The following GALK2 variants were observed in gnomAD, a reference collection of about 807,000 sequenced individuals.
The protein encoded by GALK2 is N-acetylgalactosamine kinase.
A neutral mutation model predicts 52.4 loss-of-function variants in GALK2; 36 were observed. The ratio of observed to expected loss-of-function variants is 0.69; its 90% CI spans 0.53 to 0.91. The LOEUF is 0.91. Among genes scored for constraint, GALK2 ranks in the 40% least tolerant of loss-of-function variants. GALK2 has a pLI of 0.00. For missense variants in GALK2, 579 were observed against 559.1 expected (o/e 1.04, Z -0.36); for synonymous variants, 176 against 199.1 (o/e 0.88, Z 0.98).
chr15:49,155,816 A>G (rs767230489), exon 1 of GALK2: 2 of 718,882 alleles, frequency 2.8e-6, no homozygotes, highest in African/African-American at 1.8e-5. Flanking sequence ...CAACTGGGAC[A>G]TCGTCCGGTG....
chr15:49,221,451 A>T (rs977409452), intron 3 of GALK2, among the ~76,000 whole-genome samples: 2 of 149,496 alleles, frequency 1.3e-5, no homozygotes, highest in Non-Finnish European at 2.9e-5. Flanking sequence ...AGATCACCTG[A>T]GGTCAGGAGT....
At chr15:49,184,397 A>G (rs1183904874) in intron 1 of GALK2, among the ~76,000 whole-genome samples, 1 of 152,072 alleles carries the variant, frequency 6.6e-6, no homozygotes, top group Non-Finnish European at 1.5e-5. Context: ...TAGGCAACAG[A>G]TCATTGGATT....
chr15:49,286,064 C>T (rs1239696571), intron 7 of GALK2, among the ~76,000 whole-genome samples: 1 of 152,168 alleles, frequency 6.6e-6, no homozygotes, highest in Non-Finnish European at 1.5e-5. Context: ...AAATGTCCCT[C>T]AAGGAAGCCT....
Position 49,331,847 on chromosome 15 carries a change from A to G in GALK2, c.*3688A>G. ...AGGTTTCTTGGTAGCCTTTGCTTGG[A>G]GTCTAATCATGGAATAAAGAAAATC... is the stretch of plus-strand genomic sequence containing the variant. On this transcript the variant is annotated 3_prime_UTR_variant, in exon 10 of 10. Transcript: ENST00000560031. 6.2e-7 allele frequency: 1 copy of G among 1,602,670 alleles called. No homozygotes were observed. Among genetic ancestry groups the G allele is most frequent in the Non-Finnish European group, 8.5e-7 (1 of 1,169,698 alleles).
intron 3 of GALK2, among the ~76,000 whole-genome samples, chr15:49,347,488 T>G (rs904674359): frequency 1.3e-5 from 2 of 152,208 alleles, no homozygotes; most frequent in Non-Finnish European, 2.9e-5. Context: ...ATTAGATTGC[T>G]TAGCACCCTC....
chr15:49,337,735 G>A (rs190690427), intron 3 of GALK2, among the ~76,000 whole-genome samples: 103 of 150,324 alleles, frequency 6.9e-4, no homozygotes, highest in African/African-American at 2.5e-3. Flanking sequence ...TGTTCTCATT[G>A]TTCAATTCCC....
At chr15:49,360,540 C>T (rs1045834252) in intron 3 of GALK2, among the ~76,000 whole-genome samples, 1 of 148,876 alleles carries the variant, frequency 6.7e-6, no homozygotes, top group African/African-American at 2.5e-5. Context: ...AGTCTCAACA[C>T]ATAAAGGGCT....
intron 1 of GALK2, among the ~76,000 whole-genome samples, chr15:49,174,369 A>G (rs972200838): frequency 2.0e-5 from 3 of 152,030 alleles, no homozygotes; most frequent in African/African-American, 4.8e-5. Flanking sequence ...TTTTTAAGAG[A>G]CAGTCTCACT....
chr15:49,331,772 A>G lies in GALK2; in HGVS notation c.*3613A>G. 2 of 1,552,732 alleles carry G rather than the reference A, an allele frequency of 1.3e-6. No individual in the cohort carries two copies. The highest frequency in any genetic ancestry group is 1.8e-6 in the Non-Finnish European group (2 of 1,124,324). On this transcript the variant is annotated 3_prime_UTR_variant, in exon 10 of 10. Coordinates refer to ENST00000560031, the MANE Select transcript of GALK2 (RefSeq NM_002044.4). ...GAATTCTCAATTATTTTCAGAAAGA[A>G]AACCTACCAGTTTATGTAGGAACTT...
At chr15:49,162,509 C>T (rs559747305) in intron 1 of GALK2, among the ~76,000 whole-genome samples, 1 of 152,310 alleles carries the variant, frequency 6.6e-6, no homozygotes, top group East Asian at 1.9e-4. Context: ...TTATGGTAGA[C>T]AGACTCTGGT....
intron 7 of GALK2, among the ~76,000 whole-genome samples, chr15:49,287,999 A>C (rs990039576): frequency 6.6e-6 from 1 of 152,218 alleles, no homozygotes; most frequent in African/African-American, 2.4e-5. Flanking sequence ...ATGCAAATTC[A>C]TAAAAAGTCA....
At chr15:49,343,245 G>A (rs1178588627) in intron 3 of GALK2, among the ~76,000 whole-genome samples, 3 of 151,412 alleles carry the variant, frequency 2.0e-5, no homozygotes, top group African/African-American at 7.3e-5. Context: ...TTAATTTTTT[G>A]TCAGACTTGG....
At chr15:49,323,062 G>C (rs1382630738) in intron 9 of GALK2, among the ~76,000 whole-genome samples, 1 of 152,084 alleles carries the variant, frequency 6.6e-6, no homozygotes, top group Non-Finnish European at 1.5e-5. Context: ...ATAAGATAAA[G>C]GATGGATAAA....
intron 1 of GALK2, among the ~76,000 whole-genome samples, chr15:49,195,783 C>T (rs1387244758): frequency 6.7e-6 from 1 of 149,184 alleles, no homozygotes; most frequent in Non-Finnish European, 1.5e-5. Flanking sequence ...GAGAGGATTT[C>T]TACATGTGGT....
At chr15:49,305,494 T>A (rs1460700092) in intron 8 of GALK2, among the ~76,000 whole-genome samples, 1 of 152,206 alleles carries the variant, frequency 6.6e-6, no homozygotes, top group African/African-American at 2.4e-5. Context: ...AGGACTTCTC[T>A]AATATTGGGA....
Position 49,353,209 on chromosome 15 carries a change from T to C in GALK2, c.427-14282T>C, listed in dbSNP as rs887390355. On this transcript the variant is annotated intron_variant, in intron 3 of 3. Transcript: ENST00000558399. Reference sequence around the variant, plus strand: ...AATTTATTTAGTCCAATTCATCTGCTTAATATGAATGGAGAAGAGGCTCAA... The same window carrying C: ...AATTTATTTAGTCCAATTCATCTGCCTAATATGAATGGAGAAGAGGCTCAA... Among the ~76,000 whole-genome samples, 2 of 152,174 alleles carry C rather than the reference T, an allele frequency of 1.3e-5. 1 individual carries two copies. The highest frequency in any genetic ancestry group is 2.9e-5 in the Non-Finnish European group (2 of 68,036).
chr15:49,165,010 C>T (rs2084776899), intron 1 of GALK2, among the ~76,000 whole-genome samples: 1 of 151,700 alleles, frequency 6.6e-6, no homozygotes, highest in East Asian at 1.9e-4. Flanking sequence ...CATTTATTTA[C>T]TTAACTAATT....
At chr15:49,184,144 G>A (rs2086175712) in intron 1 of GALK2, among the ~76,000 whole-genome samples, 1 of 151,894 alleles carries the variant, frequency 6.6e-6, no homozygotes, top group South Asian at 2.1e-4. Context: ...ATATTTGGAT[G>A]CTCCAGTATA....
At chr15:49,187,287 A>T (rs1471538408) in intron 1 of GALK2, among the ~76,000 whole-genome samples, 1 of 152,164 alleles carries the variant, frequency 6.6e-6, no homozygotes, top group Non-Finnish European at 1.5e-5. Context: ...TTTTCCCCCA[A>T]AGAGAATTTC....
Sources: gnomAD v4.1 joint callset for allele counts (sites outside exome capture counted in the v4.1 genomes callset) on GRCh38, gnomAD v4.1.1 for gene constraint, MANE v1.5 for transcripts, NCBI Gene and HGNC (gene_info 2026-07-23, HGNC 2026-07-21) for gene names.